The following P2RY12 variants were observed in gnomAD, a reference collection of about 807,000 sequenced individuals.
P2RY12 encodes the protein P2Y purinoceptor 12.
In P2RY12, 3 loss-of-function variants were observed where a neutral mutation model predicts 4.5. The ratio of observed to expected loss-of-function variants is 0.67; its 90% CI spans 0.31 to 1.74. P2RY12 has a LOEUF of 1.74. Among genes scored for constraint, P2RY12 ranks in the 40% most tolerant of loss-of-function variants. P2RY12 has a pLI of 0.09. For synonymous variants in P2RY12, 148 were observed against 154.1 expected (o/e 0.96, Z 0.29); for missense variants, 356 against 407.8 (o/e 0.87, Z 1.09).
At chr3:151,350,772 A>C (rs1178618430) in intron 1 of P2RY12, among the ~76,000 whole-genome samples, 5 of 152,172 alleles carry the variant, frequency 3.3e-5, no homozygotes, top group African/African-American at 9.7e-5. Flanking sequence ...TTTGCTCTAT[A>C]ATGTCTTCTT....
rs115147132 is a variant in P2RY12, at chr3:151,354,230, T to A, written c.-179-13470A>T. Among the ~76,000 whole-genome samples the A allele has an allele frequency of 9.0e-3, 1,363 of 152,060 alleles. 22 individuals carry two copies. Among genetic ancestry groups the A allele is most frequent in the African/African-American group, 0.032 (1,310 of 41,496 alleles). On this transcript the variant is annotated intron_variant, in intron 1 of 2. Coordinates refer to ENST00000302632, the MANE Select transcript of P2RY12 (RefSeq NM_022788.5). ...AACTTTTCCTTTTTGTTTTTAGATT[T>A]GTCTTTGTAAACATAAAATATTAAA...
At position 151,337,035 on chromosome 3, in the gene P2RY12, A is replaced by T. The variant is rs972317640; in HGVS notation, c.*782T>A. On this transcript the variant is annotated 3_prime_UTR_variant, in exon 3 of 3. Transcript: ENST00000302632. The stretch of plus-strand genomic sequence containing the variant: ...GCTATTTTCTAGAAGCTAATTAATA[A>T]AGGTAAGTGTCAATGATGGTATTAT... The T allele has an allele frequency of 1.3e-5, 2 of 152,200 alleles. No homozygotes were observed. Among genetic ancestry groups the T allele is most frequent in the Non-Finnish European group, 2.9e-5 (2 of 68,056 alleles). 9.4% of individuals were successfully genotyped at this position (152,200 alleles called of 1,614,324 possible). A position where few individuals can be genotyped will look rare whatever the true frequency, so the allele number is the denominator to read the frequency against.
chr3:151,381,630 G>A (rs1057264526), intron 1 of P2RY12, among the ~76,000 whole-genome samples: 8 of 152,092 alleles, frequency 5.3e-5, no homozygotes, highest in East Asian at 1.9e-4. Flanking sequence ...TACCTCCTTC[G>A]GGAGGCCTTT....
chr3:151,352,043 G>T (rs1753298966), intron 1 of P2RY12, among the ~76,000 whole-genome samples: 1 of 152,158 alleles, frequency 6.6e-6, no homozygotes, highest in African/African-American at 2.4e-5. Flanking sequence ...TCACATTTTT[G>T]AATATTTGCA....
At chr3:151,371,777 T>G (rs1159999147) in intron 1 of P2RY12, among the ~76,000 whole-genome samples, 1 of 152,218 alleles carries the variant, frequency 6.6e-6, no homozygotes, top group Non-Finnish European at 1.5e-5. Flanking sequence ...ATCCTTATTT[T>G]GAATTTTTAT....
At chr3:151,357,132 TA>T (rs1386357141) in intron 1 of P2RY12, 1 of 1,202,476 alleles carries the variant, frequency 8.3e-7, no homozygotes, top group East Asian at 2.5e-5. Flanking sequence ...TGACTCAGTA[TA>T]TCTATGGTTT....
chr3:151,380,353 T>C, intron 1 of P2RY12: 1 of 588,336 alleles, frequency 1.7e-6, no homozygotes, highest in Non-Finnish European at 2.8e-6. Context: ...TCCCAGCACT[T>C]TGGGAGGCGG....
intron 1 of P2RY12, among the ~76,000 whole-genome samples, chr3:151,348,321 T>A (rs1203482505): frequency 7.8e-6 from 1 of 128,758 alleles, no homozygotes; most frequent in Admixed American, 9.3e-5. Context: ...AGGGTTCATA[T>A]GTACACAAAC....
chr3:151,351,311 G>A (rs1210987637), intron 1 of P2RY12, among the ~76,000 whole-genome samples: 1 of 152,176 alleles, frequency 6.6e-6, no homozygotes, highest in Non-Finnish European at 1.5e-5. Flanking sequence ...ATCTGCATAT[G>A]GCATTCTGGG....
chr3:151,365,258 G>C (rs1327808586), intron 1 of P2RY12: 2 of 1,464,770 alleles, frequency 1.4e-6, no homozygotes, highest in African/African-American at 2.8e-5. Context: ...TGTTGCCTTG[G>C]TGCTTCTTTG....
At chr3:151,358,181 A>C (rs6790748) in intron 1 of P2RY12, among the ~76,000 whole-genome samples, 134,078 of 152,136 alleles carry the variant, frequency 0.88, 59,321 homozygotes, top group African/African-American at 0.97. Flanking sequence ...AACAGTAGCT[A>C]TTCTGGGAAA....
intron 1 of P2RY12, chr3:151,366,061 C>T (rs950201799): frequency 8.0e-5 from 104 of 1,292,226 alleles, no homozygotes; most frequent in Non-Finnish European, 1.0e-4. Context: ...AATCTTTTTG[C>T]TTTTGGCTTT....
intron 1 of P2RY12, among the ~76,000 whole-genome samples, chr3:151,353,916 C>A (rs369373041): frequency 6.6e-6 from 1 of 151,700 alleles, no homozygotes; most frequent in African/African-American, 2.4e-5. Context: ...CCGAGGCGGG[C>A]GGATCACGAG....
chr3:151,377,945 T>G (rs1014198352), intron 1 of P2RY12: 3 of 1,423,056 alleles, frequency 2.1e-6, no homozygotes, highest in Admixed American at 2.4e-5. Context: ...CTTTGGAGTT[T>G]CTGTTATAAC....
At chr3:151,351,133 A>AC (rs1473547920) in intron 1 of P2RY12, among the ~76,000 whole-genome samples, 1 of 152,164 alleles carries the variant, frequency 6.6e-6, no homozygotes, top group African/African-American at 2.4e-5. Flanking sequence ...TGGACTCTTC[A>AC]CAGGAGATCC....
rs766567735 is a variant in P2RY12, at chr3:151,369,436, G to A, written c.-180+15256C>T. 3 of 1,595,850 alleles carry A rather than the reference G, an allele frequency of 1.9e-6. No individual in the cohort carries two copies. The African/African-American group carries it at 4.0e-5, about 22-fold the overall frequency. On this transcript the variant is annotated intron_variant, in intron 1 of 2. Coordinates refer to ENST00000302632, the MANE Select transcript of P2RY12 (RefSeq NM_022788.5). ...TATTAAAGATTTGTTGTTTTTGTAG[G>A]CAAACCTTTCCCTGGAATAAGATCA...
chr3:151,378,676 A>T (rs1470446585), intron 1 of P2RY12, among the ~76,000 whole-genome samples: 3 of 152,162 alleles, frequency 2.0e-5, no homozygotes, highest in Admixed American at 6.5e-5. Flanking sequence ...GCCCAAGAAA[A>T]GGTTTCAAGT....
At chr3:151,369,284 G>C in intron 1 of P2RY12, 3 of 493,764 alleles carry the variant, frequency 6.1e-6, no homozygotes, top group Admixed American at 3.5e-5. Context: ...TACTGGCCAT[G>C]TTTCTTAGTG....
chr3:151,356,756 T>A (rs1022387102), intron 1 of P2RY12, among the ~76,000 whole-genome samples: 2 of 152,238 alleles, frequency 1.3e-5, no homozygotes, highest in Admixed American at 1.3e-4. Flanking sequence ...TGATTTGATT[T>A]GCCCCACTGT....
Sources: gnomAD v4.1 joint callset for allele counts (sites outside exome capture counted in the v4.1 genomes callset) on GRCh38, gnomAD v4.1.1 for gene constraint, MANE v1.5 for transcripts, NCBI Gene and HGNC (gene_info 2026-07-23, HGNC 2026-07-21) for gene names.